The following SIPA1L1 variants were observed in gnomAD, a reference collection of about 807,000 sequenced individuals.
SIPA1L1 encodes signal-induced proliferation-associated 1-like protein 1.
SIPA1L1 carries 26 observed loss-of-function variants against 162.7 expected under a neutral mutation model. The ratio of observed to expected loss-of-function variants is 0.16; its 90% CI spans 0.12 to 0.22. The LOEUF is 0.22. Among genes scored for constraint, SIPA1L1 ranks in the 10% least tolerant of loss-of-function variants. The pLI, the probability that SIPA1L1 is intolerant of heterozygous loss-of-function variation, is 1.00. For missense variants in SIPA1L1, 1,874 were observed against 2,241.0 expected, an observed-to-expected ratio of 0.84 and a Z score of 3.31; for synonymous variants, 829 against 837.4, an observed-to-expected ratio of 0.99 and a Z score of 0.17.
At chr14:71,338,706 T>C (rs1479980573) in intron 2 of SIPA1L1, among the ~76,000 whole-genome samples, 6 of 152,074 alleles carry the variant, frequency 3.9e-5, no homozygotes, top group African/African-American at 1.4e-4. Context: ...TGAGGCTCAT[T>C]TGGTTACTAG....
intron 2 of SIPA1L1, chr14:71,418,064 T>G (rs1190660268): frequency 6.6e-6 from 1 of 152,234 alleles, no homozygotes; most frequent in East Asian, 1.9e-4. Flanking sequence ...CTAATGCTGT[T>G]GTACCCTTTT....
At chr14:71,510,201 T>G (rs951721574) in intron 2 of SIPA1L1, among the ~76,000 whole-genome samples, 2 of 147,566 alleles carry the variant, frequency 1.4e-5, no homozygotes, top group East Asian at 2.0e-4. Context: ...TTTTTTTTTT[T>G]GTGAGATGGA....
chr14:71,566,054 A>C (rs2146803400), intron 4 of SIPA1L1, among the ~76,000 whole-genome samples: 1 of 152,268 alleles, frequency 6.6e-6, no homozygotes, highest in East Asian at 1.9e-4. Flanking sequence ...AACTAGGGAA[A>C]TTAAAGAGAA....
chr14:71,583,741 G>A (rs140671009), intron 4 of SIPA1L1, among the ~76,000 whole-genome samples: 1,554 of 151,682 alleles, frequency 0.01, 14 homozygotes, highest in Non-Finnish European at 0.015. Flanking sequence ...TGTAAAATAG[G>A]TAAATAAAGA....
At chr14:71,520,636 C>T (rs1178355838) in intron 3 of SIPA1L1, among the ~76,000 whole-genome samples, 1 of 152,154 alleles carries the variant, frequency 6.6e-6, no homozygotes, top group Admixed American at 6.5e-5. Flanking sequence ...TTGTATATGG[C>T]TTTTTTCTTT....
chr14:71,379,135 A>T (rs190253413), intron 2 of SIPA1L1, among the ~76,000 whole-genome samples: 36 of 152,140 alleles, frequency 2.4e-4, no homozygotes, highest in African/African-American at 8.2e-4. Flanking sequence ...TGCTAAATCA[A>T]TTCCCAGTTA....
intron 4 of SIPA1L1, among the ~76,000 whole-genome samples, chr14:71,553,372 T>C (rs1164773026): frequency 6.6e-6 from 1 of 152,232 alleles, no homozygotes; most frequent in Non-Finnish European, 1.5e-5. Context: ...ATTTTTCGCC[T>C]GCTCCCATCA....
chr14:71,330,337 T>C (rs2034372850), intron 2 of SIPA1L1: 3 of 811,308 alleles, frequency 3.7e-6, no homozygotes, highest in Non-Finnish European at 6.7e-6. Context: ...TGTAACTCTC[T>C]AGTGCACAGT....
At chr14:71,678,047 C>T (rs911459164) in intron 12 of SIPA1L1, among the ~76,000 whole-genome samples, 9 of 152,118 alleles carry the variant, frequency 5.9e-5, no homozygotes, top group South Asian at 4.1e-4. Flanking sequence ...GGGGCTGAGA[C>T]GATGGGGTTT....
rs1187606955 is a variant in SIPA1L1 at position 71,588,955 on chromosome 14, T to A, written c.1083T>A (p.Thr361=). Residue 361 remains threonine (T), a synonymous_variant, in exon 5 of 24, where the codon ACT becomes ACA. Transcript: ENST00000381232. The surrounding 1 kb of genome is among the most constrained non-coding windows in gnomAD (Gnocchi z 4.3). ...HNVIKRRNTT[T]GASAAAVASL... ...TTATTAAGAGGAGAAACACCACCAC[T>A]GGAGCTTCCGCAGCTGCCGTGGCAT... The A allele has an allele frequency of 6.2e-7, 1 of 1,614,090 alleles. No individual in the cohort carries two copies. The highest frequency in any genetic ancestry group is 1.1e-5 in the South Asian group (1 of 91,084).
At chr14:71,555,495 A>G (rs2056274623) in intron 4 of SIPA1L1, among the ~76,000 whole-genome samples, 1 of 152,214 alleles carries the variant, frequency 6.6e-6, no homozygotes, top group South Asian at 2.1e-4. Flanking sequence ...CCAGAACACT[A>G]AAACTTTCCA....
chr14:71,417,633 G>A (rs1221237319), intron 2 of SIPA1L1, among the ~76,000 whole-genome samples: 2 of 151,864 alleles, frequency 1.3e-5, no homozygotes, highest in African/African-American at 2.4e-5. Flanking sequence ...TGGTCTTGCT[G>A]TCTCCAGTGG....
Position 71,609,285 on chromosome 14 carries a change from T to A in SIPA1L1, c.1499-9472T>A, listed in dbSNP as rs192805767. The stretch of plus-strand genomic sequence containing the variant: ...AATAAATTTTTATTTATTTACCTAT[T>A]TGAGACTGGGTCTTGCTCTGTCACC... On this transcript the variant is annotated intron_variant, in intron 5 of 23. Coordinates refer to ENST00000381232, the MANE Select transcript of SIPA1L1 (RefSeq NM_001386936.1). Among the ~76,000 whole-genome samples the A allele has an allele frequency of 6.7e-4, 102 of 152,204 alleles. 1 individual carries two copies. Among genetic ancestry groups the A allele is most frequent in the African/African-American group, 2.3e-3 (97 of 41,542 alleles).
intron 2 of SIPA1L1, among the ~76,000 whole-genome samples, chr14:71,474,156 T>C (rs145901962): frequency 2.6e-5 from 4 of 152,276 alleles, no homozygotes; most frequent in Non-Finnish European, 5.9e-5. Context: ...TACAGAGAAT[T>C]ATGGGTTGAA....
At position 71,730,230 on chromosome 14, in the gene SIPA1L1, C is replaced by T. The variant is rs1289563348; in HGVS notation, c.4790C>T (p.Thr1597Met). The change falls in exon 20 of 24, where the codon ACG becomes ATG. Residue 1597 changes from threonine to methionine, a missense_variant. Thr to Met is a moderately conservative substitution (Grantham distance 81). Around this residue, in one of 5 missense-constraint regions of SIPA1L1, gnomAD observed 936 missense variants for 1,051.9 expected, o/e 0.89. Transcript: ENST00000381232. ...CCCAACGACGTCCTCTTCAGTAGCA[C>T]GTACCCTTCTCTCCCCAAGTCGCTC... ...ALPNDVLFSS[T>M]YPSLPKSLPL... 3.1e-6 allele frequency: 5 copies of T among 1,614,192 alleles called. No individual in the cohort carries two copies. Among genetic ancestry groups the T allele is most frequent in the South Asian group, 2.2e-5 (2 of 91,084 alleles).
At chr14:71,547,468 A>G (rs1034547739) in intron 4 of SIPA1L1, among the ~76,000 whole-genome samples, 2 of 151,394 alleles carry the variant, frequency 1.3e-5, no homozygotes, top group African/African-American at 4.9e-5. Flanking sequence ...TAATTTTTGT[A>G]TTTTTAGTAG....
intron 2 of SIPA1L1, among the ~76,000 whole-genome samples, chr14:71,347,542 A>G (rs570762663): frequency 2.0e-5 from 3 of 152,246 alleles, no homozygotes; most frequent in African/African-American, 7.2e-5. Context: ...TAGTAACTCT[A>G]TGCTTAGTAA....
intron 3 of SIPA1L1, among the ~76,000 whole-genome samples, chr14:71,521,575 G>T (rs1164572659): frequency 6.6e-6 from 1 of 152,222 alleles, no homozygotes; most frequent in Non-Finnish European, 1.5e-5. Context: ...GGTTGCTTCT[G>T]TGGTTTTCTC....
At chr14:71,419,417 T>TG (rs1482122918) in intron 2 of SIPA1L1, among the ~76,000 whole-genome samples, 1 of 150,952 alleles carries the variant, frequency 6.6e-6, no homozygotes, top group Admixed American at 6.6e-5. Flanking sequence ...TGAAAGCTTT[T>TG]GGGCCAGGGG....
Sources: allele counts gnomAD v4.1 joint callset (sites outside exome capture counted in the v4.1 genomes callset), GRCh38; gene constraint gnomAD v4.1.1; regional missense constraint gnomAD v4.1.1; non-coding constraint Gnocchi (gnomAD v3.1); transcripts MANE v1.5; gene names NCBI Gene and HGNC (gene_info 2026-07-23, HGNC 2026-07-21).